Variants in U2SURP observed in about 807,000 individuals in gnomAD.
U2SURP encodes U2 snRNP-associated SURP motif-containing protein.
In U2SURP, 9 loss-of-function variants were observed where a neutral mutation model predicts 144.9. That is an observed-to-expected ratio of 0.06 (90% CI 0.04 to 0.11). The LOEUF (loss-of-function observed/expected upper bound fraction) is 0.11. Ranked by LOEUF, U2SURP falls within the 10% of genes least tolerant of loss-of-function variation. The pLI is 1.00. For synonymous variants in U2SURP, 408 were observed against 396.8 expected, an observed-to-expected ratio of 1.03 and a Z score of -0.33; for missense variants, 724 against 1,226.7, an observed-to-expected ratio of 0.59 and a Z score of 6.12.
In U2SURP at chr3:143,021,347, A is replaced by G; in HGVS notation, c.734-3A>G. 1 of 1,592,600 alleles carries G rather than the reference A, an allele frequency of 6.3e-7. No individual in the cohort carries two copies. The highest frequency in any genetic ancestry group is 2.3e-5 in the East Asian group (1 of 44,308). ...ATAATTGTCTTCTTTTCTCCCCTTT[A>G]AGTGGACGCGCCTTCAAGAAGAAAT... is the stretch of plus-strand genomic sequence containing the variant. On this transcript the variant is annotated splice_polypyrimidine_tract_variant and splice_region_variant and intron_variant, in intron 8 of 27. Transcript: ENST00000473835.
chr3:143,044,675 G>A (rs139291439), intron 24 of U2SURP, among the ~76,000 whole-genome samples: 1 of 152,240 alleles, frequency 6.6e-6, no homozygotes, highest in Non-Finnish European at 1.5e-5. Context: ...TTTTCATACT[G>A]TATACATTCA....
chr3:143,010,915 T>C (rs1936090009), intron 2 of U2SURP, 56 bp downstream of exon 2: 1 of 1,268,058 alleles, frequency 7.9e-7, no homozygotes, highest in Admixed American at 1.9e-5. Context: ...CTTCTCCTCA[T>C]ATGTATCCCT....
Position 143,012,268 on chromosome 3 carries a change from G to A in U2SURP, c.137G>A (p.Arg46Gln), listed in dbSNP as rs756994177. The change falls in exon 3 of 28, where the codon CGA becomes CAA. Residue 46 changes from arginine (R) to glutamine (Q), a missense_variant. Physicochemically the swap from Arg to Gln is conservative, Grantham distance 43. Transcript: ENST00000473835. ...PSDSDMPSRT[R>Q]PKSPRKHNYR... is the part of the protein sequence containing the mutation. ...GATAGTGATATGCCAAGTCGGACAC[G>A]ACCTAAGAGCCCAAGAAAACATAAT... The A allele has an allele frequency of 1.1e-5, 17 of 1,613,170 alleles. No homozygotes were observed. The Admixed American group carries it at 2.3e-4, about 22-fold the overall frequency.
At chr3:143,042,991 A>G in intron 23 of U2SURP, 126 bp from the exon 24 acceptor site, 1 of 909,046 alleles carries the variant, frequency 1.1e-6, no homozygotes, top group South Asian at 2.6e-5. Context: ...TGAGGTATGA[A>G]TTGTCCTATT....
intron 27 of U2SURP, 87 bp downstream of exon 27, chr3:143,055,206 A>ATTT (rs74668359): frequency 1.9e-4 from 188 of 994,238 alleles, no homozygotes; most frequent in African/African-American, 1.7e-3. Flanking sequence ...GTTGGCATAC[A>ATTT]TTTTTTTTTT....
chr3:143,010,432 G>T (rs1050466139), intron 1 of U2SURP, among the ~76,000 whole-genome samples: 6 of 152,150 alleles, frequency 3.9e-5, no homozygotes, highest in African/African-American at 1.4e-4. Context: ...GAGAGTTCTC[G>T]TGCTGTGGAC....
chr3:143,052,950 G>GTTTTTTTTTTTTTTTTTTTTTTTTTTT (rs11436960), intron 25 of U2SURP, among the ~76,000 whole-genome samples: 1 of 132,950 alleles, frequency 7.5e-6, no homozygotes. Context: ...AAATGTGTTG[G>GTTTTTTTTTTTTTTTTTTTTTTTTTTT]TTTTTTTTTT....
chr3:143,050,991 A>C lies in U2SURP; in HGVS notation c.2597A>C (p.Lys866Thr). 2 of 1,613,458 alleles carry C rather than the reference A, an allele frequency of 1.2e-6. No homozygotes were observed. Among genetic ancestry groups the C allele is most frequent in the Non-Finnish European group, 8.5e-7 (1 of 1,179,678 alleles). The change falls in exon 25 of 28, where the codon AAA becomes ACA. Residue 866 changes from lysine (K) to threonine (T), a missense_variant. This residue lies in a region of U2SURP where 129 missense variants were observed against 196.1 expected (regional missense o/e 0.66). Coordinates refer to ENST00000473835, the MANE Select transcript of U2SURP (RefSeq NM_001080415.2). ...TTGGAATCTGGGAAAAGACCTAAAA[A>C]ACCAGGCCAGAGTTTTCAGGAGCAA... is the stretch of plus-strand genomic sequence containing the variant. ...DELESGKRPK[K>T]PGQSFQEQVE...
chr3:143,028,247 A>G (rs1933270912), intron 14 of U2SURP, 93 bp from the exon 15 acceptor site: 10 of 1,395,128 alleles, frequency 7.2e-6, no homozygotes, highest in Non-Finnish European at 9.8e-6. Context: ...TTAGAACTAA[A>G]TAGGCAAATA....
At chr3:143,006,006 G>A (rs1398874045) in intron 1 of U2SURP, among the ~76,000 whole-genome samples, 2 of 152,064 alleles carry the variant, frequency 1.3e-5, no homozygotes, top group Non-Finnish European at 2.9e-5. Flanking sequence ...CTGAAATAAC[G>A]TTTTTGAAAG....
chr3:143,018,954 A>G (rs1384507219), intron 6 of U2SURP, among the ~76,000 whole-genome samples: 3 of 152,026 alleles, frequency 2.0e-5, no homozygotes, highest in Admixed American at 2.0e-4. Context: ...AAACAAAACT[A>G]TTTTGTTTGA....
At chr3:143,009,135 C>G (rs1447203438) in intron 1 of U2SURP, among the ~76,000 whole-genome samples, 1 of 152,068 alleles carries the variant, frequency 6.6e-6, no homozygotes, top group East Asian at 1.9e-4. Flanking sequence ...TTTTAAATTT[C>G]TAGATATTTG....
At chr3:143,020,167 T>C (rs1345193648) in intron 7 of U2SURP, 131 bp downstream of exon 7, 1 of 560,900 alleles carries the variant, frequency 1.8e-6, no homozygotes, top group Non-Finnish European at 2.9e-6. Context: ...GTTTTAGATA[T>C]TATAATATTT....
In U2SURP at chr3:143,004,584, C is replaced by G. The variant is rs1935735737; in HGVS notation, c.45+2911C>G. On this transcript the variant is annotated intron_variant, in intron 1 of 27. Coordinates refer to ENST00000473835, the MANE Select transcript of U2SURP (RefSeq NM_001080415.2). ...CTCTTGACCTTGTGACCCCCCCCCC[C>G]CGCCTCGGCCTCCCAAAGTGCGGGG... Among the ~76,000 whole-genome samples the G allele has an allele frequency of 4.5e-5, 4 of 89,800 alleles. 1 individual carries two copies. The South Asian group carries it at 1.3e-3, about 29-fold the overall frequency. 58.9% of individuals were successfully genotyped at this position (89,800 alleles called of 152,430 possible). A position where few individuals can be genotyped will look rare whatever the true frequency, so the allele number is the denominator to read the frequency against.
At chr3:143,042,607 T>C (rs914989482) in intron 23 of U2SURP, among the ~76,000 whole-genome samples, 13 of 152,150 alleles carry the variant, frequency 8.5e-5, no homozygotes, top group Admixed American at 3.3e-4. Context: ...CCCCCTCCCA[T>C]CCTTCCATGT....
At position 143,058,885 on chromosome 3, in the gene U2SURP, A is replaced by C. The variant is rs1935264861; in HGVS notation, c.*2435A>C. 6.6e-6 allele frequency: 1 copy of C among 151,918 alleles called. No individual in the cohort carries two copies. Among genetic ancestry groups the C allele is most frequent in the African/African-American group, 2.4e-5 (1 of 41,430 alleles). 9.4% of individuals were successfully genotyped at this position (151,918 alleles called of 1,614,324 possible). On this transcript the variant is annotated 3_prime_UTR_variant, in exon 28 of 28. Transcript: ENST00000473835. The stretch of plus-strand genomic sequence containing the variant: ...TATCTGTGGACACTTACTGTCCTCT[A>C]CCACAGCTACGTGCCAGAGTTGTTT...
At position 143,060,284 on chromosome 3, in the gene U2SURP, T is replaced by A. The variant is rs1935321137; in HGVS notation, c.*3834T>A. 1 of 152,296 alleles carries A rather than the reference T, an allele frequency of 6.6e-6. No individual in the cohort carries two copies. The allele number at this position is 152,296 out of a possible 1,614,324, so 9.4% of individuals were successfully genotyped here. A position where few individuals can be genotyped will look rare whatever the true frequency, so the allele number is the denominator to read the frequency against. On this transcript the variant is annotated 3_prime_UTR_variant, in exon 28 of 28. Coordinates refer to ENST00000473835, the MANE Select transcript of U2SURP (RefSeq NM_001080415.2). Reference sequence around the variant, plus strand: ...ATTTGAAATATCAGGAAAGACAGTTTGTCAGAAATGAGAATAATATAGTTG... The same window carrying A: ...ATTTGAAATATCAGGAAAGACAGTTAGTCAGAAATGAGAATAATATAGTTG...
rs1268094728 is a variant in U2SURP at position 143,047,177 on chromosome 3, A to T, written c.2545-3762A>T. Among the ~76,000 whole-genome samples, 30 of 65,304 alleles carry T rather than the reference A, an allele frequency of 4.6e-4. 1 individual carries two copies. Among genetic ancestry groups the T allele is most frequent in the African/African-American group, 2.7e-3 (30 of 11,260 alleles). The allele number at this position is 65,304 out of a possible 152,430, so 42.8% of individuals were successfully genotyped here. A position where few individuals can be genotyped will look rare whatever the true frequency, so the allele number is the denominator to read the frequency against. On this transcript the variant is annotated intron_variant, in intron 24 of 27. Coordinates refer to ENST00000473835, the MANE Select transcript of U2SURP (RefSeq NM_001080415.2). ...GGGCGGCTGGCCAGGCGGGGGGCTG[A>T]TCCCCCCACCTCCCTCCCGGACGGG...
chr3:143,047,034 G>A (rs1224910034), intron 24 of U2SURP, among the ~76,000 whole-genome samples: 26 of 135,608 alleles, frequency 1.9e-4, no homozygotes, highest in Admixed American at 1.8e-3. Context: ...GGGGCGGCTG[G>A]CCAGGCGGGG....
Sources: gnomAD v4.1 joint callset for allele counts (sites outside exome capture counted in the v4.1 genomes callset) on GRCh38, gnomAD v4.1.1 for gene constraint, gnomAD v4.1.1 regional missense constraint, MANE v1.5 for transcripts, NCBI Gene and HGNC (gene_info 2026-07-23, HGNC 2026-07-21) for gene names.